IPMK: variants seen among roughly 807,000 people sequenced by gnomAD.
IPMK encodes inositol 1,3,4,6-tetrakisphosphate 5-kinase.
Under a neutral mutation model 45.8 loss-of-function variants are expected in IPMK, and 17 were observed. The observed-to-expected ratio is 0.37, with a 90% CI of 0.25 to 0.56. The LOEUF (loss-of-function observed/expected upper bound fraction) is 0.56. Ranked by LOEUF, IPMK falls within the 20% of genes least tolerant of loss-of-function variation. IPMK has a pLI of 0.79. For synonymous variants in IPMK, 180 were observed against 184.3 expected, an observed-to-expected ratio of 0.98 and a Z score of 0.19; for missense variants, 399 against 498.0, an observed-to-expected ratio of 0.80 and a Z score of 1.89.
rs1019693458 is a variant in IPMK at position 58,267,869 on chromosome 10, C to T, written c.-258G>A. On this transcript the variant is annotated 5_prime_UTR_variant, in exon 1 of 6. Transcript: ENST00000373935. ...CGCAGCCGCCGGCCCCGGCGCTGCC[C>T]GGTAGACAGAACCGAGCCGAAGAAC... 2 of 436,930 alleles carry T rather than the reference C, an allele frequency of 4.6e-6. No homozygotes were observed. The highest frequency in any genetic ancestry group is 8.1e-6 in the Non-Finnish European group (2 of 247,546). 27.1% of individuals were successfully genotyped at this position (436,930 alleles called of 1,614,324 possible).
In IPMK at chr10:58,238,840, TG is replaced by T. The variant is rs145022772; in HGVS notation, c.191-1027del. ...TCTCAAGAGATACAGAAATCAAGTT[TG>T]TTTTTTGTTTTTTTTTAATCTTAAG... On this transcript the variant is annotated intron_variant, in intron 1 of 5. Transcript: ENST00000373935. Among the ~76,000 whole-genome samples, 190 of 130,300 alleles carry T rather than the reference TG, an allele frequency of 1.5e-3. 3 individuals carry two copies. Among genetic ancestry groups the T allele is most frequent in the African/African-American group, 2.6e-3 (94 of 36,254 alleles). The allele number at this position is 130,300 out of a possible 152,430, so 85.5% of individuals were successfully genotyped here.
rs2132138835 is a variant in IPMK, at chr10:58,194,194, A to G, written c.*1882T>C. The G allele has an allele frequency of 6.6e-6, 1 of 151,984 alleles. No individual in the cohort carries two copies. The highest frequency in any genetic ancestry group is 2.1e-4 in the South Asian group (1 of 4,824). The allele number at this position is 151,984 out of a possible 1,614,324, so 9.4% of individuals were successfully genotyped here. Reference sequence around the variant, plus strand: ...CATAGGTTGATATCATCCCATACAAAAAAAGCCTCAGTATCTTGTTAAGAT... The same window carrying G: ...CATAGGTTGATATCATCCCATACAAGAAAAGCCTCAGTATCTTGTTAAGAT... On this transcript the variant is annotated 3_prime_UTR_variant, in exon 6 of 6. Transcript: ENST00000373935.
chr10:58,263,551 G>A (rs1327817731), intron 1 of IPMK, among the ~76,000 whole-genome samples: 2 of 151,880 alleles, frequency 1.3e-5, no homozygotes, highest in Non-Finnish European at 2.9e-5. Flanking sequence ...CTGGCCTAGT[G>A]GTGTGCACCT....
At chr10:58,210,920 A>G (rs1414654659) in intron 4 of IPMK, among the ~76,000 whole-genome samples, 1 of 152,198 alleles carries the variant, frequency 6.6e-6, no homozygotes, top group Non-Finnish European at 1.5e-5. Flanking sequence ...GAATCTCCAC[A>G]CACTGTTCTG....
intron 4 of IPMK, among the ~76,000 whole-genome samples, chr10:58,199,573 C>T (rs777674140): frequency 1.6e-4 from 25 of 152,174 alleles, no homozygotes; most frequent in Admixed American, 4.6e-4. Context: ...AAACTATCTA[C>T]CTCAACCTAC....
chr10:58,196,408 C>G lies in IPMK; in HGVS notation c.919G>C (p.Glu307Gln). 1 of 1,614,060 alleles carries G rather than the reference C, an allele frequency of 6.2e-7. No homozygotes were observed. The highest frequency in any genetic ancestry group is 8.5e-7 in the Non-Finnish European group (1 of 1,179,996). Reference sequence around the variant, plus strand: ...GACAAGCTTTTGCCCACTGAAGACTCTATTTTTCCATTAGCTGTGGAACTT... The same window carrying G: ...GACAAGCTTTTGCCCACTGAAGACTGTATTTTTCCATTAGCTGTGGAACTT... ...VLSSTANGKI[E>Q]SSVGKSLSKM... is the part of the protein sequence containing the mutation. The change falls in exon 6 of 6, where the codon GAG (glutamate) becomes CAG (glutamine). Residue 307 changes from glutamate (E) to glutamine (Q), a missense_variant. This residue lies in a region of IPMK where 288 missense variants were observed against 398.0 expected (regional missense o/e 0.72). Transcript: ENST00000373935.
intron 4 of IPMK, among the ~76,000 whole-genome samples, chr10:58,211,919 A>AATAAATAAAAAAAT (rs1554823052): frequency 6.7e-6 from 1 of 148,188 alleles, no homozygotes; most frequent in African/African-American, 2.6e-5. Context: ...AAAAAAAAAA[A>AATAAATAAAAAAAT]AAAAAATTTG....
At chr10:58,204,212 T>C (rs1838038996) in intron 4 of IPMK, among the ~76,000 whole-genome samples, 1 of 151,930 alleles carries the variant, frequency 6.6e-6, no homozygotes. Flanking sequence ...AAATAAAAAA[T>C]AAGCTAGGTG....
At chr10:58,240,995 C>T (rs1222887185) in intron 1 of IPMK, among the ~76,000 whole-genome samples, 2 of 152,160 alleles carry the variant, frequency 1.3e-5, no homozygotes, top group Non-Finnish European at 1.5e-5. Context: ...GTAAGAGCAG[C>T]AAATCATGTT....
chr10:58,201,423 C>A (rs981276791), intron 4 of IPMK, among the ~76,000 whole-genome samples: 6 of 152,268 alleles, frequency 3.9e-5, no homozygotes, highest in Admixed American at 3.9e-4. Context: ...GATTAGTGAT[C>A]TTTGATGTTA....
rs1293574730 is a variant in IPMK, at chr10:58,195,193, T to A, written c.*883A>T. Reference sequence around the variant, plus strand: ...ATACATAAATTTTTAAAGAAAAAAATTCAAGTTATTTAGAGGAGAAATAAA... The same window carrying A: ...ATACATAAATTTTTAAAGAAAAAAAATCAAGTTATTTAGAGGAGAAATAAA... On this transcript the variant is annotated 3_prime_UTR_variant, in exon 6 of 6. Coordinates refer to ENST00000373935, the MANE Select transcript of IPMK (RefSeq NM_152230.5). The A allele has an allele frequency of 6.6e-6, 1 of 151,996 alleles. No individual in the cohort carries two copies. The highest frequency in any genetic ancestry group is 2.4e-5 in the African/African-American group (1 of 41,418). 9.4% of individuals were successfully genotyped at this position (151,996 alleles called of 1,614,324 possible). A position where few individuals can be genotyped will look rare whatever the true frequency, so the allele number is the denominator to read the frequency against.
intron 1 of IPMK, among the ~76,000 whole-genome samples, chr10:58,255,484 G>GTGGATACAGGGGATTTCTC (rs1838951457): frequency 6.6e-6 from 1 of 152,190 alleles, no homozygotes; most frequent in Non-Finnish European, 1.5e-5. Context: ...TCTCAGGTCT[G>GTGGATACAGGGGATTTCTC]TGGATACAGG....
chr10:58,246,462 A>C (rs973549578), intron 1 of IPMK, among the ~76,000 whole-genome samples: 5 of 142,928 alleles, frequency 3.5e-5, no homozygotes, highest in African/African-American at 1.4e-4. Flanking sequence ...ACAGATATAG[A>C]TCAATGGAAC....
intron 5 of IPMK, among the ~76,000 whole-genome samples, chr10:58,197,670 G>T (rs79735551): frequency 1.5e-5 from 2 of 129,932 alleles, no homozygotes; most frequent in African/African-American, 5.2e-5. Context: ...GAAAAGAAAA[G>T]AAAAAAAAAA....
In IPMK at chr10:58,265,483, AT is replaced by A. The variant is rs1052777130; in HGVS notation, c.190+1938del. 2.4e-4 allele frequency among the ~76,000 whole-genome samples: 37 copies of A among 152,324 alleles called. 1 individual carries two copies. Among genetic ancestry groups the A allele is most frequent in the African/African-American group, 8.4e-4 (35 of 41,576 alleles). On this transcript the variant is annotated intron_variant, in intron 1 of 5. Transcript: ENST00000373935. ...TGAACTTTGAATTAGTGACCATCTT[AT>A]CCATTTTACAAATAGGGAATATATC...
intron 1 of IPMK, among the ~76,000 whole-genome samples, chr10:58,247,881 G>T (rs906109244): frequency 6.6e-6 from 1 of 152,158 alleles, no homozygotes; most frequent in South Asian, 2.1e-4. Flanking sequence ...ACATTAAAAG[G>T]AGTAATGGGA....
At chr10:58,259,683 A>C (rs1347173525) in intron 1 of IPMK, among the ~76,000 whole-genome samples, 1 of 149,546 alleles carries the variant, frequency 6.7e-6, no homozygotes, top group Non-Finnish European at 1.5e-5. Context: ...AAAAAAAAAA[A>C]AAAACAATTA....
chr10:58,226,149 G>A (rs1189102022), intron 3 of IPMK, among the ~76,000 whole-genome samples: 1 of 152,162 alleles, frequency 6.6e-6, no homozygotes, highest in Non-Finnish European at 1.5e-5. Context: ...CTCACAGAGA[G>A]ATACCAGGGT....
At chr10:58,219,816 T>C (rs1838304507) in intron 3 of IPMK, among the ~76,000 whole-genome samples, 1 of 152,256 alleles carries the variant, frequency 6.6e-6, no homozygotes, top group Non-Finnish European at 1.5e-5. Flanking sequence ...TGAGTTGCAA[T>C]GTAAAAATGT....
Sources: allele counts gnomAD v4.1 joint callset (sites outside exome capture counted in the v4.1 genomes callset), GRCh38; gene constraint gnomAD v4.1.1; regional missense constraint gnomAD v4.1.1; transcripts MANE v1.5; gene names NCBI Gene and HGNC (gene_info 2026-07-23, HGNC 2026-07-21).